Variants in UBE3C observed in about 807,000 individuals in gnomAD.
UBE3C encodes the protein ubiquitin-protein ligase E3C.
UBE3C carries 42 observed loss-of-function variants against 129.4 expected under a neutral mutation model. That is an observed-to-expected ratio of 0.32 (90% CI 0.25 to 0.42). UBE3C has a LOEUF of 0.42. Ranked by LOEUF, UBE3C falls within the 10% of genes least tolerant of loss-of-function variation. The pLI is 1.00. For synonymous variants in UBE3C, 510 were observed against 492.4 expected, an observed-to-expected ratio of 1.04 and a Z score of -0.47; for missense variants, 1,049 against 1,319.1, an observed-to-expected ratio of 0.80 and a Z score of 3.17.
At position 157,177,218 on chromosome 7, in the gene UBE3C, T is replaced by C. The variant is rs1262667416; in HGVS notation, c.459-1472T>C. 2.0e-5 allele frequency among the ~76,000 whole-genome samples: 3 copies of C among 152,240 alleles called. No homozygotes were observed. In the East Asian group the frequency reaches 5.8e-4, roughly 29 times the overall value. On this transcript the variant is annotated intron_variant, in intron 5 of 22. Transcript: ENST00000348165. Reference sequence around the variant, plus strand: ...TGATGGGTGTGTAGCTGTATTTTATTGTGATTGGAATTTGTATTTCCTGGA... The same window carrying C: ...TGATGGGTGTGTAGCTGTATTTTATCGTGATTGGAATTTGTATTTCCTGGA...
At chr7:157,207,281 C>T in intron 11 of UBE3C, 117 bp from the exon 12 acceptor site, 1 of 1,393,104 alleles carries the variant, frequency 7.2e-7, no homozygotes, top group South Asian at 1.3e-5. Flanking sequence ...TAGTTTAATT[C>T]CTAATGCAAA....
intron 18 of UBE3C, among the ~76,000 whole-genome samples, chr7:157,236,564 G>A (rs1445635896): frequency 2.0e-5 from 3 of 152,148 alleles, no homozygotes; most frequent in Non-Finnish European, 4.4e-5. Context: ...TCAAAAGTTG[G>A]AAAGTTTCTT....
intron 10 of UBE3C, among the ~76,000 whole-genome samples, chr7:157,191,610 T>C (rs1808969700): frequency 1.3e-5 from 2 of 152,346 alleles, no homozygotes; most frequent in East Asian, 3.9e-4. Flanking sequence ...TCGTGTGTTT[T>C]CTAACCATTT....
At chr7:157,197,211 A>T (rs1809145377) in intron 10 of UBE3C, among the ~76,000 whole-genome samples, 2 of 152,230 alleles carry the variant, frequency 1.3e-5, no homozygotes, top group Admixed American at 1.3e-4. Context: ...TGATCAAAAG[A>T]TTTCTTAATG....
Position 157,207,951 on chromosome 7 carries a change from ATTTT to A in UBE3C, c.1809+20_1809+23del. The stretch of plus-strand genomic sequence containing the variant: ...GTTATTTAAGGTATAGAGTATATGT[ATTTT>A]TTTGTTTACTGACATTGAAAAATGT... On this transcript the variant is annotated intron_variant, in intron 13 of 22. Coordinates refer to ENST00000348165, the MANE Select transcript of UBE3C (RefSeq NM_014671.3). 7.3e-7 allele frequency: 1 copy of A among 1,378,648 alleles called. No homozygotes were observed. The highest frequency in any genetic ancestry group is 9.4e-7 in the Non-Finnish European group (1 of 1,060,766). The allele number at this position is 1,378,648 out of a possible 1,614,324, so 85.4% of individuals were successfully genotyped here. A position where few individuals can be genotyped will look rare whatever the true frequency, so the allele number is the denominator to read the frequency against.
chr7:157,157,438 G>A (rs547497626), intron 1 of UBE3C, among the ~76,000 whole-genome samples: 1 of 152,194 alleles, frequency 6.6e-6, no homozygotes, highest in South Asian at 2.1e-4. Context: ...TCAAACTGTG[G>A]AAACATAAAA....
intron 1 of UBE3C, 124 bp from the exon 2 acceptor site, chr7:157,163,686 C>T: frequency 1.0e-6 from 1 of 1,001,708 alleles, no homozygotes; most frequent in South Asian, 1.6e-5. Flanking sequence ...CTGATTAAGT[C>T]AAGACAGCTT....
chr7:157,178,981 C>G (rs913388732), intron 6 of UBE3C, 134 bp downstream of exon 6: 1 of 1,112,342 alleles, frequency 9.0e-7, no homozygotes, highest in African/African-American at 1.6e-5. Flanking sequence ...GCCTTGTGCT[C>G]CATCCACAGG....
intron 2 of UBE3C, among the ~76,000 whole-genome samples, chr7:157,167,252 A>G (rs1366671328): frequency 6.6e-6 from 1 of 151,832 alleles, no homozygotes; most frequent in Non-Finnish European, 1.5e-5. Flanking sequence ...TTTTATAACC[A>G]TTTCAAGCCC....
At chr7:157,140,511 A>G (rs1351023689) in intron 1 of UBE3C, among the ~76,000 whole-genome samples, 1 of 152,230 alleles carries the variant, frequency 6.6e-6, no homozygotes, top group African/African-American at 2.4e-5. Context: ...AGGGTCTTCC[A>G]CGTTAATGAA....
intron 14 of UBE3C, among the ~76,000 whole-genome samples, chr7:157,219,095 C>G (rs965883209): frequency 1.3e-5 from 2 of 152,296 alleles, no homozygotes; most frequent in East Asian, 3.9e-4. Flanking sequence ...GTTGCAGGCT[C>G]TGGTGAAGGA....
chr7:157,204,245 C>A (rs999589609), intron 11 of UBE3C, among the ~76,000 whole-genome samples: 6 of 151,762 alleles, frequency 4.0e-5, no homozygotes, highest in Non-Finnish European at 8.8e-5. Context: ...CAATTTAAGT[C>A]AAAAATAGTT....
At chr7:157,198,022 G>A in intron 10 of UBE3C, 1 of 1,603,062 alleles carries the variant, frequency 6.2e-7, no homozygotes, top group Non-Finnish European at 8.5e-7. Flanking sequence ...CAATTCACTT[G>A]GCCACCATGA....
At chr7:157,187,079 C>T (rs1458210590) in intron 10 of UBE3C, 58 bp downstream of exon 10, 1 of 1,506,666 alleles carries the variant, frequency 6.6e-7, no homozygotes, top group African/African-American at 1.4e-5. Flanking sequence ...TACCTTCCTC[C>T]CTGGGAATTG....
At chr7:157,230,694 C>CA (rs748639288) in intron 17 of UBE3C, among the ~76,000 whole-genome samples, 667 of 38,694 alleles carry the variant, frequency 0.017, 9 homozygotes, top group African/African-American at 0.035. Context: ...GACCCCGTCT[C>CA]AAAAAAAAAA....
intron 18 of UBE3C, among the ~76,000 whole-genome samples, chr7:157,242,525 T>TG (rs1554436980): frequency 1.0e-4 from 15 of 147,416 alleles, no homozygotes; most frequent in South Asian, 6.6e-4. Flanking sequence ...TTTTTTTTTT[T>TG]TTTTTTTTTT....
At chr7:157,262,044 C>T (rs573059627) in intron 22 of UBE3C, among the ~76,000 whole-genome samples, 1 of 152,252 alleles carries the variant, frequency 6.6e-6, no homozygotes, top group South Asian at 2.1e-4. Flanking sequence ...ATATTTTAAG[C>T]TTTTCATTTA....
At chr7:157,266,317 AAAAT>A (rs201640404) in intron 22 of UBE3C, among the ~76,000 whole-genome samples, 9,980 of 152,268 alleles carry the variant, frequency 0.066, 453 homozygotes, top group Non-Finnish European at 0.098. Context: ...CCGTCTCAAA[AAAAT>A]AAATAAATAA....
At chr7:157,201,637 C>CT (rs10713758) in intron 10 of UBE3C, 84 bp from the exon 11 acceptor site, 13,491 of 222,890 alleles carry the variant, frequency 0.061, 1,158 homozygotes, top group African/African-American at 0.25. Flanking sequence ...CAGTGTATCG[C>CT]TTTTTTTTTT....
Sources: allele counts gnomAD v4.1 joint callset (sites outside exome capture counted in the v4.1 genomes callset), GRCh38; gene constraint gnomAD v4.1.1; transcripts MANE v1.5; gene names NCBI Gene and HGNC (gene_info 2026-07-23, HGNC 2026-07-21).